MCM10: variants seen among roughly 807,000 people sequenced by gnomAD.
MCM10 encodes minichromosome maintenance 10 replication initiation factor.
In MCM10, 91 loss-of-function variants were observed where a neutral mutation model predicts 109.9. The observed-to-expected ratio is 0.83, with a 90% confidence interval of 0.70 to 0.99. MCM10 has a LOEUF of 0.99. MCM10 is among the 50% of genes least tolerant of loss of function. The pLI is 0.00. For missense variants in MCM10, 1,077 were observed against 1,061.2 expected, an observed-to-expected ratio of 1.01 and a Z score of -0.21; for synonymous variants, 380 against 387.2, an observed-to-expected ratio of 0.98 and a Z score of 0.22.
intron 2 of MCM10, among the ~76,000 whole-genome samples, chr10:13,165,178 A>T (rs1833978951): frequency 6.6e-6 from 1 of 152,218 alleles, no homozygotes; most frequent in South Asian, 2.1e-4. Flanking sequence ...AGTATAATTT[A>T]TGAATTAGGC....
In MCM10 at chr10:13,185,981, C is replaced by G. The variant is rs564667673; in HGVS notation, c.1099-183C>G. The stretch of plus-strand genomic sequence containing the variant: ...TTTGCCACATTGCCTAGGCTAGTCT[C>G]AAACTCTTGGCCTCAAGCGATCCAC... On this transcript the variant is annotated intron_variant, in intron 8 of 19. Transcript: ENST00000378714. Among the ~76,000 whole-genome samples, 14 of 152,304 alleles carry G rather than the reference C, an allele frequency of 9.2e-5. 1 individual carries two copies. The South Asian group carries it at 2.7e-3, about 29-fold the overall frequency.
chr10:13,191,680 A>T (rs1433004832), intron 11 of MCM10, among the ~76,000 whole-genome samples: 1 of 152,188 alleles, frequency 6.6e-6, no homozygotes, highest in Non-Finnish European at 1.5e-5. Flanking sequence ...GCGCGGTCTA[A>T]CCTAAAGGAA....
At position 13,202,299 on chromosome 10, in the gene MCM10, G is replaced by A. The variant is rs182729885; in HGVS notation, c.2352+765G>A. Among the ~76,000 whole-genome samples the A allele has an allele frequency of 6.1e-4, 93 of 152,304 alleles. 2 individuals carry two copies. The highest frequency in any genetic ancestry group is 6.0e-3 in the Admixed American group (92 of 15,302). On this transcript the variant is annotated intron_variant, in intron 17 of 19. Coordinates refer to ENST00000378714, the MANE Select transcript of MCM10 (RefSeq NM_018518.5). ...TTGAGCCCAGGAATCCAAAGCTGCA[G>A]TGAGCTATGATCACGCCACTGCACC... is the stretch of plus-strand genomic sequence containing the variant.
At chr10:13,162,854 C>T (rs1175681784) in intron 1 of MCM10, among the ~76,000 whole-genome samples, 1 of 152,006 alleles carries the variant, frequency 6.6e-6, no homozygotes, top group African/African-American at 2.4e-5. Flanking sequence ...CCAAGGCGGA[C>T]GGATCACCAG....
Position 13,192,210 on chromosome 10 carries a change from C to T in MCM10, c.1517-45C>T, listed in dbSNP as rs775707116. 5 of 1,318,748 alleles carry T rather than the reference C, an allele frequency of 3.8e-6. No homozygotes were observed. In the African/African-American group the frequency reaches 7.3e-5, roughly 19 times the overall value. 81.7% of individuals were successfully genotyped at this position (1,318,748 alleles called of 1,614,324 possible). ...AAGTGGTATGTCATATGACCTCAAA[C>T]CATCTGAATGTGAATCCTCTAAAGC... On this transcript the variant is annotated intron_variant, in intron 11 of 19. Transcript: ENST00000378714.
intron 6 of MCM10, among the ~76,000 whole-genome samples, chr10:13,177,078 G>C (rs1010774968): frequency 1.3e-5 from 2 of 152,180 alleles, no homozygotes; most frequent in African/African-American, 4.8e-5. Flanking sequence ...AGATGCTACT[G>C]CCTGCCCCAG....
chr10:13,191,461 A>G, intron 11 of MCM10, 62 bp downstream of exon 11: 1 of 1,360,532 alleles, frequency 7.4e-7, no homozygotes, highest in Non-Finnish European at 1.1e-6. Flanking sequence ...CTTAGGGATA[A>G]AAGACTACAC....
At chr10:13,187,785 C>T (rs377679841) in intron 9 of MCM10, among the ~76,000 whole-genome samples, 5 of 152,076 alleles carry the variant, frequency 3.3e-5, no homozygotes, top group African/African-American at 4.8e-5. Flanking sequence ...AGGTGGGAGA[C>T]GGTTGGAAAA....
chr10:13,186,082 C>T (rs1834271048), intron 8 of MCM10, 82 bp from the exon 9 acceptor site: 4 of 788,588 alleles, frequency 5.1e-6, no homozygotes, highest in East Asian at 2.6e-5. Context: ...TAAATCAGCA[C>T]CAACCATTCT....
intron 18 of MCM10, among the ~76,000 whole-genome samples, chr10:13,205,735 A>G (rs763124226): frequency 1.3e-5 from 2 of 152,120 alleles, no homozygotes; most frequent in Non-Finnish European, 2.9e-5. Flanking sequence ...TAAGATGATA[A>G]CTCTGATGAT....
chr10:13,183,922 G>T (rs1342754680), intron 8 of MCM10, among the ~76,000 whole-genome samples: 1 of 152,180 alleles, frequency 6.6e-6, no homozygotes, highest in African/African-American at 2.4e-5. Context: ...GCAATGGCGT[G>T]ATCTTGACTC....
chr10:13,205,000 A>G (rs1353211833), intron 18 of MCM10, among the ~76,000 whole-genome samples: 55 of 2,100 alleles, frequency 0.026, 1 homozygote, highest in African/African-American at 0.063. Context: ...GTATGTATGT[A>G]TGTATATATA....
chr10:13,203,487 A>C (rs1834527189), intron 17 of MCM10, among the ~76,000 whole-genome samples: 1 of 151,604 alleles, frequency 6.6e-6, no homozygotes, highest in African/African-American at 2.4e-5. Context: ...ACCATCACAC[A>C]CTCACAGTTT....
At chr10:13,167,840 A>G (rs1834022203) in intron 2 of MCM10, among the ~76,000 whole-genome samples, 1 of 152,192 alleles carries the variant, frequency 6.6e-6, no homozygotes, top group Non-Finnish European at 1.5e-5. Context: ...AATGCTTTCC[A>G]TTCAAGAGGC....
At chr10:13,162,365 A>G (rs1224606136) in intron 1 of MCM10, among the ~76,000 whole-genome samples, 4 of 152,216 alleles carry the variant, frequency 2.6e-5, no homozygotes, top group African/African-American at 7.2e-5. Context: ...AAGAATTTCA[A>G]TGAAGGGACC....
intron 8 of MCM10, among the ~76,000 whole-genome samples, chr10:13,183,777 T>C (rs1834239402): frequency 6.6e-6 from 1 of 152,106 alleles, no homozygotes; most frequent in East Asian, 1.9e-4. Context: ...CTCCGTCTCC[T>C]GGGCGTAAGT....
intron 2 of MCM10, among the ~76,000 whole-genome samples, chr10:13,170,331 G>A (rs1425873646): frequency 6.6e-6 from 1 of 151,946 alleles, no homozygotes; most frequent in Non-Finnish European, 1.5e-5. Flanking sequence ...AATTCTGGGT[G>A]ATGGGATCTT....
Position 13,172,480 on chromosome 10 carries a change from G to A in MCM10, c.454G>A (p.Glu152Lys). 2 of 1,613,216 alleles carry A rather than the reference G, an allele frequency of 1.2e-6. No individual in the cohort carries two copies. Among genetic ancestry groups the A allele is most frequent in the Non-Finnish European group, 8.5e-7 (1 of 1,179,536 alleles). ...CCCAGCCCGTCTGCAAAAATCCCCT[G>A]GTAAGAAGACTGTCATTCTGGCAAT... is the stretch of plus-strand genomic sequence containing the variant. The part of the protein sequence containing the change: ...ASPARLQKSP[E>K]KSPRPPLKER... The change falls in exon 4 of 20, where the codon GAG becomes AAG. Residue 152 changes from glutamate (E) to lysine (K), a missense_variant and splice_region_variant. By Grantham distance (56) the Glu-to-Lys change is moderately conservative. Coordinates refer to ENST00000378714, the MANE Select transcript of MCM10 (RefSeq NM_018518.5). The surrounding 1 kb of genome is among the most constrained non-coding windows in gnomAD (Gnocchi z 5.2).
At chr10:13,201,721 C>A (rs1588479405) in intron 17 of MCM10, 187 bp downstream of exon 17, 2 of 578,538 alleles carry the variant, frequency 3.5e-6, no homozygotes, top group East Asian at 5.8e-5. Flanking sequence ...CTGTGCTCTG[C>A]TGATGGAGTG....
Sources: gnomAD v4.1 joint callset for allele counts (sites outside exome capture counted in the v4.1 genomes callset) on GRCh38, gnomAD v4.1.1 for gene constraint, Gnocchi (gnomAD v3.1) non-coding constraint, MANE v1.5 for transcripts, NCBI Gene and HGNC (gene_info 2026-07-23, HGNC 2026-07-21) for gene names.